Variants in SIPA1L1 observed in about 807,000 individuals in gnomAD.
The protein encoded by SIPA1L1 is signal induced proliferation associated 1 like 1, also known as signal-induced proliferation-associated 1-like protein 1.
SIPA1L1 carries 26 observed loss-of-function variants against 162.7 expected under a neutral mutation model. The observed-to-expected ratio is 0.16, with a 90% CI of 0.12 to 0.22. The LOEUF is 0.22. Among genes scored for constraint, SIPA1L1 ranks in the 10% least tolerant of loss-of-function variants. The probability of loss-of-function intolerance (pLI) is 1.00; values close to 1 mark genes in which losing one functional copy is unlikely to be tolerated. For synonymous variants in SIPA1L1, 829 were observed against 837.4 expected, an observed-to-expected ratio of 0.99 and a Z score of 0.17; for missense variants, 1,874 against 2,241.0, an observed-to-expected ratio of 0.84 and a Z score of 3.31.
chr14:71,380,271 G>A (rs2039781044), intron 2 of SIPA1L1, among the ~76,000 whole-genome samples: 1 of 152,226 alleles, frequency 6.6e-6, no homozygotes, highest in African/African-American at 2.4e-5. Flanking sequence ...AATGGTTCTT[G>A]TAGATAACTT....
At chr14:71,429,520 A>G (rs1410966060) in intron 2 of SIPA1L1, among the ~76,000 whole-genome samples, 3 of 145,960 alleles carry the variant, frequency 2.1e-5, no homozygotes, top group Non-Finnish European at 3.0e-5. Context: ...TTTTTTCTTC[A>G]TTTTTCCCAT....
At chr14:71,378,699 A>G (rs940709980) in intron 2 of SIPA1L1, among the ~76,000 whole-genome samples, 37 of 150,602 alleles carry the variant, frequency 2.5e-4, no homozygotes, top group African/African-American at 8.8e-4. Flanking sequence ...TTTTTTGTCT[A>G]ATTGTTCTAT....
intron 8 of SIPA1L1, 117 bp downstream of exon 8, chr14:71,650,626 G>T (rs1160928383): frequency 5.3e-6 from 5 of 943,240 alleles, no homozygotes; most frequent in Admixed American, 4.3e-5. Context: ...TGCTGGTGAT[G>T]GGGGAGAGAA....
chr14:71,514,381 C>T (rs1193645503), intron 3 of SIPA1L1, among the ~76,000 whole-genome samples: 1 of 152,116 alleles, frequency 6.6e-6, no homozygotes, highest in African/African-American at 2.4e-5. Flanking sequence ...CTTCCCTTAC[C>T]AGCAGAATGT....
chr14:71,367,940 T>G (rs1319515530), intron 2 of SIPA1L1, among the ~76,000 whole-genome samples: 2 of 149,866 alleles, frequency 1.3e-5, no homozygotes, highest in Admixed American at 1.3e-4. Context: ...ATTAAAACAT[T>G]AGTTAATTCT....
At chr14:71,703,499 A>G (rs1411471482) in intron 15 of SIPA1L1, among the ~76,000 whole-genome samples, 1 of 152,212 alleles carries the variant, frequency 6.6e-6, no homozygotes, top group African/African-American at 2.4e-5. Context: ...GCTTTGTTCC[A>G]GTAGCTTCAG....
chr14:71,606,543 G>T (rs1384754495), intron 5 of SIPA1L1, among the ~76,000 whole-genome samples: 1 of 152,152 alleles, frequency 6.6e-6, no homozygotes, highest in African/African-American at 2.4e-5. Flanking sequence ...TGGACCAATT[G>T]TGGGCTTCGT....
intron 4 of SIPA1L1, among the ~76,000 whole-genome samples, chr14:71,539,181 C>T (rs902022218): frequency 1.3e-5 from 2 of 152,174 alleles, no homozygotes; most frequent in African/African-American, 2.4e-5. Flanking sequence ...CTCTACAGTC[C>T]TTCCTGCTCC....
chr14:71,497,960 A>G (rs2049919491), intron 2 of SIPA1L1: 1 of 152,214 alleles, frequency 6.6e-6, no homozygotes, highest in Non-Finnish European at 1.5e-5. Context: ...CTCACCAGCA[A>G]TGTTGGAGAG....
chr14:71,464,402 G>A (rs1218793938), intron 2 of SIPA1L1, among the ~76,000 whole-genome samples: 7 of 152,156 alleles, frequency 4.6e-5, no homozygotes, highest in Non-Finnish European at 7.3e-5. Context: ...CAGCACTTTG[G>A]GTCGCCGAGG....
chr14:71,669,609 G>A (rs1266280691), intron 10 of SIPA1L1, among the ~76,000 whole-genome samples: 2 of 152,236 alleles, frequency 1.3e-5, no homozygotes, highest in East Asian at 3.9e-4. Context: ...AGCTGTCAGC[G>A]TTCAAGTCAG....
intron 8 of SIPA1L1, among the ~76,000 whole-genome samples, chr14:71,652,900 G>A (rs959006351): frequency 2.0e-5 from 3 of 151,890 alleles, no homozygotes; most frequent in Admixed American, 1.3e-4. Flanking sequence ...GTTTCAAAAT[G>A]TTCATCTGCT....
intron 4 of SIPA1L1, among the ~76,000 whole-genome samples, chr14:71,538,864 C>T (rs2054129783): frequency 6.6e-6 from 1 of 152,156 alleles, no homozygotes; most frequent in Non-Finnish European, 1.5e-5. Flanking sequence ...AATCTGATTT[C>T]TTAAGTAGTT....
intron 5 of SIPA1L1, among the ~76,000 whole-genome samples, chr14:71,596,846 T>C (rs1033061655): frequency 6.6e-6 from 1 of 152,228 alleles, no homozygotes; most frequent in African/African-American, 2.4e-5. Flanking sequence ...TCAATTTCTT[T>C]TTATTTTTGT....
chr14:71,383,785 A>G (rs922322643), intron 2 of SIPA1L1, among the ~76,000 whole-genome samples: 1 of 152,170 alleles, frequency 6.6e-6, no homozygotes. Flanking sequence ...GGATGGTGCT[A>G]ATCCATCATG....
At chr14:71,392,355 A>G (rs894303143) in intron 2 of SIPA1L1, among the ~76,000 whole-genome samples, 14 of 152,192 alleles carry the variant, frequency 9.2e-5, no homozygotes, top group South Asian at 8.3e-4. Flanking sequence ...AAGTCCTTGC[A>G]TAATGTGATT....
At chr14:71,591,251 T>C (rs1009975839) in intron 5 of SIPA1L1, among the ~76,000 whole-genome samples, 1 of 152,132 alleles carries the variant, frequency 6.6e-6, no homozygotes, top group Non-Finnish European at 1.5e-5. Flanking sequence ...TTTCAATCTC[T>C]TGATGCCCAG....
intron 4 of SIPA1L1, chr14:71,573,716 T>G (rs916371701): frequency 4.4e-6 from 2 of 456,634 alleles, no homozygotes; most frequent in South Asian, 3.1e-5. Context: ...CCAATGGTTT[T>G]TTTCTCCCCC....
intron 2 of SIPA1L1, among the ~76,000 whole-genome samples, chr14:71,363,226 C>T (rs1595018344): frequency 6.6e-6 from 1 of 152,290 alleles, no homozygotes; most frequent in East Asian, 1.9e-4. Flanking sequence ...TTCTCTACCT[C>T]TCTGTGGCAT....
Sources: allele counts gnomAD v4.1 joint callset (sites outside exome capture counted in the v4.1 genomes callset), GRCh38; gene constraint gnomAD v4.1.1; transcripts MANE v1.5; gene names NCBI Gene and HGNC (gene_info 2026-07-23, HGNC 2026-07-21).